Variants in TRPM3 observed in about 807,000 individuals in gnomAD.
TRPM3 encodes transient receptor potential cation channel subfamily M member 3.
TRPM3 carries 77 observed loss-of-function variants against 181.2 expected under a neutral mutation model. That is an observed-to-expected ratio of 0.42 (90% CI 0.35 to 0.51). The LOEUF (loss-of-function observed/expected upper bound fraction) is 0.51, where lower values mean the gene tolerates loss of function less well. TRPM3 is among the 20% of genes least tolerant of loss of function. The pLI, the probability that TRPM3 is intolerant of heterozygous loss-of-function variation, is 0.01. For missense variants in TRPM3, 1,759 were observed against 2,196.7 expected, an observed-to-expected ratio of 0.80 and a Z score of 3.98; for synonymous variants, 745 against 796.4, an observed-to-expected ratio of 0.94 and a Z score of 1.09.
intron 1 of TRPM3, among the ~76,000 whole-genome samples, chr9:71,143,124 C>CAAAAAAAAGA (rs1554834251): frequency 2.2e-5 from 3 of 134,952 alleles, no homozygotes; most frequent in Admixed American, 7.4e-5. Context: ...GACCCTATCC[C>CAAAAAAAAGA]AAAAAAAAGA....
chr9:71,056,740 G>A (rs2060710183), intron 1 of TRPM3, among the ~76,000 whole-genome samples: 1 of 151,928 alleles, frequency 6.6e-6, no homozygotes, highest in Non-Finnish European at 1.5e-5. Context: ...AATGAGAGAG[G>A]CCTCAGAAGA....
At chr9:71,219,309 C>T (rs1012313986) in intron 1 of TRPM3, among the ~76,000 whole-genome samples, 1 of 152,092 alleles carries the variant, frequency 6.6e-6, no homozygotes, top group Non-Finnish European at 1.5e-5. Flanking sequence ...AAACAGCACC[C>T]ATCAGTGTAT....
At chr9:71,002,500 T>A (rs1287926698) in intron 1 of TRPM3, among the ~76,000 whole-genome samples, 1 of 152,200 alleles carries the variant, frequency 6.6e-6, no homozygotes, top group East Asian at 1.9e-4. Flanking sequence ...ACATTGATGA[T>A]GTTCCTAAAA....
At chr9:71,309,851 G>A (rs542223192) in intron 1 of TRPM3, among the ~76,000 whole-genome samples, 10 of 152,136 alleles carry the variant, frequency 6.6e-5, no homozygotes, top group African/African-American at 2.2e-4. Context: ...CCCTCAGCAT[G>A]CTATTTTTAA....
At chr9:71,085,309 A>T (rs1263663485) in intron 1 of TRPM3, among the ~76,000 whole-genome samples, 4 of 152,122 alleles carry the variant, frequency 2.6e-5, no homozygotes, top group Admixed American at 2.0e-4. Flanking sequence ...GAGCTTTTGC[A>T]CAGCAAAAGA....
intron 1 of TRPM3, among the ~76,000 whole-genome samples, chr9:71,195,547 G>A (rs776452989): frequency 2.4e-4 from 37 of 152,168 alleles, no homozygotes; most frequent in Non-Finnish European, 4.3e-4. Context: ...AATGTAGAGT[G>A]GAGATTCCTC....
intron 8 of TRPM3, among the ~76,000 whole-genome samples, chr9:70,747,734 A>G (rs2075428958): frequency 6.6e-6 from 1 of 151,252 alleles, no homozygotes; most frequent in Non-Finnish European, 1.5e-5. Flanking sequence ...AACTTGAAAT[A>G]CTTACTATCT....
intron 1 of TRPM3, among the ~76,000 whole-genome samples, chr9:71,050,272 A>G (rs1248618157): frequency 1.3e-5 from 2 of 152,242 alleles, no homozygotes; most frequent in Non-Finnish European, 2.9e-5. Flanking sequence ...ATGCATATAA[A>G]TAAAATGTAC....
chr9:71,391,026 T>G (rs183273053), intron 1 of TRPM3, among the ~76,000 whole-genome samples: 94 of 152,066 alleles, frequency 6.2e-4, no homozygotes, highest in African/African-American at 2.0e-3. Context: ...ATTATGTAGA[T>G]CCAAATGAAT....
chr9:70,686,151 T>C (rs1280083327), intron 8 of TRPM3, among the ~76,000 whole-genome samples: 1 of 151,766 alleles, frequency 6.6e-6, no homozygotes, highest in Non-Finnish European at 1.5e-5. Flanking sequence ...CACATGTATA[T>C]ACACACATAC....
intron 1 of TRPM3, among the ~76,000 whole-genome samples, chr9:71,097,617 CAA>C (rs796195340): frequency 7.1e-6 from 1 of 141,226 alleles, no homozygotes. Context: ...CATATAGGAC[CAA>C]AAAAAAAAAG....
At chr9:71,138,593 C>T (rs1183433207) in intron 1 of TRPM3, among the ~76,000 whole-genome samples, 1 of 151,664 alleles carries the variant, frequency 6.6e-6, no homozygotes, top group South Asian at 2.1e-4. Context: ...AATTGTTGAA[C>T]TGTACTCTTT....
chr9:70,849,620 T>G (rs762664600), intron 3 of TRPM3, among the ~76,000 whole-genome samples: 6 of 152,142 alleles, frequency 3.9e-5, no homozygotes, highest in Non-Finnish European at 7.4e-5. Context: ...GTGACAGAAC[T>G]AAAACACTGG....
At chr9:70,547,269 C>T (rs1338700468) in intron 25 of TRPM3, among the ~76,000 whole-genome samples, 4 of 151,918 alleles carry the variant, frequency 2.6e-5, no homozygotes, top group Admixed American at 6.6e-5. Flanking sequence ...CCATATATAC[C>T]TTTCCAAATG....
chr9:71,128,564 T>G (rs2074190265), intron 1 of TRPM3, among the ~76,000 whole-genome samples: 1 of 152,216 alleles, frequency 6.6e-6, no homozygotes, highest in African/African-American at 2.4e-5. Flanking sequence ...AATGTTCTCT[T>G]TCTAAACTAA....
chr9:71,344,432 T>G (rs10781014), intron 1 of TRPM3, among the ~76,000 whole-genome samples: 1 of 151,736 alleles, frequency 6.6e-6, no homozygotes, highest in Non-Finnish European at 1.5e-5. Context: ...GCCTGGGAGA[T>G]AGAGTGAGAC....
chr9:71,114,219 C>T (rs2071771960), intron 1 of TRPM3, among the ~76,000 whole-genome samples: 1 of 152,038 alleles, frequency 6.6e-6, no homozygotes, highest in Non-Finnish European at 1.5e-5. Context: ...CAATGATATC[C>T]CTACACTACA....
intron 22 of TRPM3, among the ~76,000 whole-genome samples, chr9:70,581,513 G>A (rs78278675): frequency 0.033 from 5,071 of 152,306 alleles, 290 homozygotes; most frequent in African/African-American, 0.11. Flanking sequence ...CACATCTGAG[G>A]AAAGGCAACT....
chr9:70,675,915 T>A (rs1001550443), intron 9 of TRPM3, among the ~76,000 whole-genome samples: 8 of 152,186 alleles, frequency 5.3e-5, no homozygotes, highest in Non-Finnish European at 1.2e-4. Context: ...TTCTTATTTA[T>A]CTCTTAACAT....
Sources: allele counts gnomAD v4.1 joint callset (sites outside exome capture counted in the v4.1 genomes callset), GRCh38; gene constraint gnomAD v4.1.1; transcripts MANE v1.5; gene names NCBI Gene and HGNC (gene_info 2026-07-23, HGNC 2026-07-21).